ASTN2: variants seen among roughly 807,000 people sequenced by gnomAD.
ASTN2 encodes astrotactin-2.
Under a neutral mutation model 139.8 loss-of-function variants are expected in ASTN2, and 54 were observed. That is an observed-to-expected ratio of 0.39 (90% CI 0.31 to 0.48). ASTN2 has a LOEUF of 0.48. ASTN2 is among the 20% of genes least tolerant of loss of function. The pLI, the probability that ASTN2 is intolerant of heterozygous loss-of-function variation, is 0.95. For missense variants in ASTN2, 1,565 were observed against 1,725.1 expected (o/e 0.91, Z 1.64); for synonymous variants, 756 against 719.5 (o/e 1.05, Z -0.81).
chr9:117,214,009 A>G (rs1210151392), intron 3 of ASTN2, among the ~76,000 whole-genome samples: 2 of 152,082 alleles, frequency 1.3e-5, no homozygotes. Context: ...ATAAGAAGAA[A>G]CCCTCTAATA....
chr9:116,617,706 T>C (rs1311040735), intron 19 of ASTN2, among the ~76,000 whole-genome samples: 1 of 152,206 alleles, frequency 6.6e-6, no homozygotes, highest in Non-Finnish European at 1.5e-5. Flanking sequence ...GGAAAATAAT[T>C]GCTGAATGGA....
At chr9:116,810,619 A>T (rs1174529215) in intron 12 of ASTN2, among the ~76,000 whole-genome samples, 1 of 152,222 alleles carries the variant, frequency 6.6e-6, no homozygotes, top group Non-Finnish European at 1.5e-5. Flanking sequence ...GCATCCTACG[A>T]ACATAAAGAA....
chr9:116,515,328 T>C (rs189173143), intron 19 of ASTN2, among the ~76,000 whole-genome samples: 8 of 152,316 alleles, frequency 5.3e-5, no homozygotes, highest in Admixed American at 3.9e-4. Context: ...TTTAGAGTTA[T>C]GGACGTGAGA....
chr9:116,426,830 T>C (rs1215698089), intron 22 of ASTN2, among the ~76,000 whole-genome samples: 2 of 152,184 alleles, frequency 1.3e-5, no homozygotes, highest in Non-Finnish European at 2.9e-5. Flanking sequence ...ATGATGGTCT[T>C]ATCCTCAAGT....
chr9:117,094,099 G>T (rs1828774674), intron 5 of ASTN2, among the ~76,000 whole-genome samples: 1 of 127,282 alleles, frequency 7.9e-6, no homozygotes, highest in African/African-American at 2.9e-5. Flanking sequence ...ATCAAAGGAA[G>T]AAAGAAAGGA....
chr9:116,667,496 G>A (rs1461513080), intron 16 of ASTN2, among the ~76,000 whole-genome samples: 1 of 152,090 alleles, frequency 6.6e-6, no homozygotes, highest in Non-Finnish European at 1.5e-5. Context: ...AGCAAAGTTG[G>A]CAAAATATTG....
chr9:116,526,025 C>T (rs113756890), intron 19 of ASTN2, among the ~76,000 whole-genome samples: 89 of 152,240 alleles, frequency 5.8e-4, no homozygotes, highest in African/African-American at 2.0e-3. Context: ...TTATTGACAT[C>T]CTACTCATTT....
chr9:116,795,950 C>A (rs980513304), intron 13 of ASTN2, among the ~76,000 whole-genome samples: 1 of 152,280 alleles, frequency 6.6e-6, no homozygotes, highest in African/African-American at 2.4e-5. Flanking sequence ...AGGGCAGACA[C>A]GGGATTTGGA....
intron 17 of ASTN2, among the ~76,000 whole-genome samples, chr9:116,629,110 CTCT>C (rs1445703436): frequency 7.3e-6 from 1 of 136,212 alleles, no homozygotes; most frequent in Admixed American, 7.2e-5. Flanking sequence ...TTTCCAGTAA[CTCT>C]TTTTTTTTTT....
intron 13 of ASTN2, among the ~76,000 whole-genome samples, chr9:116,782,478 A>C (rs1270707111): frequency 1.3e-5 from 2 of 152,176 alleles, no homozygotes; most frequent in Non-Finnish European, 1.5e-5. Context: ...CCCCTGGCCC[A>C]ACCTAAGAGT....
intron 17 of ASTN2, among the ~76,000 whole-genome samples, chr9:116,646,627 G>A (rs879448617): frequency 1.3e-5 from 2 of 152,078 alleles, no homozygotes; most frequent in Non-Finnish European, 2.9e-5. Flanking sequence ...AAATGTCTAA[G>A]GCACTCCATC....
At chr9:116,561,277 G>A (rs1244644599) in intron 19 of ASTN2, among the ~76,000 whole-genome samples, 1 of 152,090 alleles carries the variant, frequency 6.6e-6, no homozygotes, top group Admixed American at 6.6e-5. Context: ...GTGAACAATG[G>A]CTAGAACTTA....
At chr9:116,673,372 C>T (rs1358467607) in intron 16 of ASTN2, among the ~76,000 whole-genome samples, 1 of 152,062 alleles carries the variant, frequency 6.6e-6, no homozygotes, top group East Asian at 1.9e-4. Flanking sequence ...ATTTTAAAGA[C>T]AATGAAAGAA....
intron 2 of ASTN2, among the ~76,000 whole-genome samples, chr9:117,241,136 A>T (rs1833192831): frequency 1.3e-5 from 2 of 152,186 alleles, no homozygotes; most frequent in South Asian, 4.1e-4. Context: ...TGAGACAAAT[A>T]AACAAAACTC....
chr9:116,672,058 C>A (rs945788337), intron 16 of ASTN2, among the ~76,000 whole-genome samples: 1 of 152,106 alleles, frequency 6.6e-6, no homozygotes, highest in Admixed American at 6.6e-5. Context: ...AACATAAATA[C>A]ATAAAATTTT....
At position 117,291,385 on chromosome 9, in the gene ASTN2, G is replaced by A. The variant is rs1183052985; in HGVS notation, c.571C>T (p.Leu191Phe). 1.2e-6 allele frequency: 2 copies of A among 1,614,228 alleles called. No individual in the cohort carries two copies. The highest frequency in any genetic ancestry group is 1.7e-6 in the Non-Finnish European group (2 of 1,180,022). Reference sequence around the variant, plus strand: ...TCAACAATCTCCGAGGGCTCCTGGAGAGTGGGGGCGGTGGCTTGGGCCAGC... The same window carrying A: ...TCAACAATCTCCGAGGGCTCCTGGAAAGTGGGGGCGGTGGCTTGGGCCAGC... ...GQLAQATAPTLQEPSEIVEEQ... is the reference protein window; with the variant it reads ...GQLAQATAPTFQEPSEIVEEQ... Residue 191 changes from leucine (L) to phenylalanine (F), a missense_variant, in exon 2 of 23, where the codon CTC (leucine) becomes TTC (phenylalanine). Around this residue, in one of 4 missense-constraint regions of ASTN2, gnomAD observed 596 missense variants for 576.8 expected, o/e 1.03. Transcript: ENST00000313400.
Position 116,649,733 on chromosome 9 carries a change from T to A in ASTN2, c.3072+1795A>T, listed in dbSNP as rs180731820. On this transcript the variant is annotated intron_variant, in intron 17 of 22. Coordinates refer to ENST00000313400, the MANE Select transcript of ASTN2 (RefSeq NM_001365068.1). ...CTTTATTTCAATGCTGTCCCATGGA[T>A]GGGAATTTGGGTTTTTTACAGAGGC... Among the ~76,000 whole-genome samples, 131 of 151,858 alleles carry A rather than the reference T, an allele frequency of 8.6e-4. 2 individuals are homozygous for A. Among genetic ancestry groups the A allele is most frequent in the Non-Finnish European group, 3.8e-4 (26 of 67,920 alleles).
intron 13 of ASTN2, among the ~76,000 whole-genome samples, chr9:116,785,720 T>C (rs1377295914): frequency 6.6e-6 from 1 of 152,116 alleles, no homozygotes; most frequent in Non-Finnish European, 1.5e-5. Context: ...TTGTCCCACC[T>C]TCAGAATACA....
At chr9:116,535,644 G>A (rs139534233) in intron 19 of ASTN2, among the ~76,000 whole-genome samples, 224 of 152,206 alleles carry the variant, frequency 1.5e-3, no homozygotes, top group African/African-American at 4.1e-3. Flanking sequence ...ATGAAATTCT[G>A]GGTGGAAAAT....
Sources: allele counts gnomAD v4.1 joint callset (sites outside exome capture counted in the v4.1 genomes callset), GRCh38; gene constraint gnomAD v4.1.1; regional missense constraint gnomAD v4.1.1; transcripts MANE v1.5; gene names NCBI Gene and HGNC (gene_info 2026-07-23, HGNC 2026-07-21).